The following PIP5K1C variants were observed in gnomAD, a reference collection of about 807,000 sequenced individuals.
PIP5K1C encodes phosphatidylinositol-4-phosphate 5-kinase type 1 gamma.
A neutral mutation model predicts 80.1 loss-of-function variants in PIP5K1C; 45 were observed. That is an observed-to-expected ratio of 0.56 (90% CI 0.44 to 0.72). PIP5K1C has a LOEUF of 0.72. Ranked by LOEUF, PIP5K1C falls within the 30% of genes least tolerant of loss-of-function variation. The pLI is 0.00. For missense variants in PIP5K1C, 753 were observed against 954.6 expected, an observed-to-expected ratio of 0.79 and a Z score of 2.78; for synonymous variants, 498 against 420.1, an observed-to-expected ratio of 1.19 and a Z score of -2.27.
At chr19:3,653,748 A>G (rs2034531026) in intron 6 of PIP5K1C, among the ~76,000 whole-genome samples, 159 bp from the exon 7 acceptor site, 2 of 152,160 alleles carry the variant, frequency 1.3e-5, no homozygotes, top group Admixed American at 1.3e-4. Context: ...GCAGGCACCC[A>G]GCTGGCCTTC....
chr19:3,653,928 G>A (rs776577804), intron 6 of PIP5K1C, among the ~76,000 whole-genome samples: 1 of 152,224 alleles, frequency 6.6e-6, no homozygotes, highest in Non-Finnish European at 1.5e-5. Context: ...TCTGGAGGCC[G>A]GAAACGCAAT....
chr19:3,681,333 C>T (rs900580995), intron 1 of PIP5K1C, among the ~76,000 whole-genome samples: 1 of 151,678 alleles, frequency 6.6e-6, no homozygotes, highest in Non-Finnish European at 1.5e-5. Flanking sequence ...TGGGTTCAAG[C>T]GATTCTCCTG....
chr19:3,689,117 C>G (rs1472300414), intron 1 of PIP5K1C, among the ~76,000 whole-genome samples: 1 of 152,162 alleles, frequency 6.6e-6, no homozygotes, highest in African/African-American at 2.4e-5. Context: ...CTCCTGGGCT[C>G]AGTAATCCAG....
rs183886876 is a variant in PIP5K1C at position 3,655,267 on chromosome 19, A to T, written c.621+1138T>A. ...CCATGTCTCTACTAAAAATATAAAA[A>T]AATAGCCAGGCGTGGTGGCGGGCGC... On this transcript the variant is annotated intron_variant, in intron 6 of 17. Coordinates refer to ENST00000335312, the MANE Select transcript of PIP5K1C (RefSeq NM_012398.3). Among the ~76,000 whole-genome samples the T allele has an allele frequency of 3.2e-4, 49 of 151,622 alleles. 1 individual carries two copies. Among genetic ancestry groups the T allele is most frequent in the African/African-American group, 1.2e-3 (48 of 41,324 alleles).
At chr19:3,650,243 C>A (rs2034387030) in intron 8 of PIP5K1C, among the ~76,000 whole-genome samples, 2 of 152,256 alleles carry the variant, frequency 1.3e-5, no homozygotes, top group Admixed American at 6.5e-5. Flanking sequence ...TCCACACCTT[C>A]GTGGCTGCAC....
intron 8 of PIP5K1C, among the ~76,000 whole-genome samples, chr19:3,651,270 G>C (rs907975919): frequency 2.0e-5 from 3 of 152,168 alleles, no homozygotes; most frequent in Non-Finnish European, 1.5e-5. Flanking sequence ...TGCCCAGGCT[G>C]GTACTGAACT....
intron 1 of PIP5K1C, among the ~76,000 whole-genome samples, chr19:3,683,930 C>G (rs10407023): frequency 1.2e-4 from 16 of 134,186 alleles, no homozygotes; most frequent in South Asian, 5.1e-4. Context: ...GTCCCACACC[C>G]CCCCCACGCT....
chr19:3,698,417 G>A (rs1205597169), intron 1 of PIP5K1C, among the ~76,000 whole-genome samples: 1 of 152,206 alleles, frequency 6.6e-6, no homozygotes, highest in African/African-American at 2.4e-5. Flanking sequence ...CCACTGCCTG[G>A]CGCTCGCCCT....
chr19:3,684,279 C>T (rs530660418), intron 1 of PIP5K1C, among the ~76,000 whole-genome samples: 1 of 152,280 alleles, frequency 6.6e-6, no homozygotes, highest in East Asian at 1.9e-4. Context: ...CGCCCCCTCA[C>T]CCCACACACA....
intron 5 of PIP5K1C, among the ~76,000 whole-genome samples, chr19:3,657,596 G>A (rs1427760479): frequency 1.3e-5 from 2 of 152,102 alleles, no homozygotes; most frequent in Non-Finnish European, 2.9e-5. Flanking sequence ...AACAGGTGGG[G>A]GGTGTCCACG....
intron 3 of PIP5K1C, among the ~76,000 whole-genome samples, chr19:3,663,611 C>G (rs895860423): frequency 6.6e-6 from 1 of 152,154 alleles, no homozygotes; most frequent in Non-Finnish European, 1.5e-5. Flanking sequence ...CCTGGGAGTT[C>G]AAGACCAGCC....
At chr19:3,649,005 C>T (rs1322086710) in intron 8 of PIP5K1C, among the ~76,000 whole-genome samples, 1 of 152,168 alleles carries the variant, frequency 6.6e-6, no homozygotes, top group Non-Finnish European at 1.5e-5. Flanking sequence ...CACTGCATGC[C>T]CAGGTAGGGC....
rs371917706 is a variant in PIP5K1C, at chr19:3,648,589, G to A, written c.1211+36C>T. On this transcript the variant is annotated intron_variant, in intron 9 of 17. Transcript: ENST00000335312. The surrounding 1 kb of genome is among the most constrained non-coding windows in gnomAD (Gnocchi z 4.3). Reference sequence around the variant, plus strand: ...CCACCTGTGGGACTGCAGACCCGGGGCGTCCACCTGTAGGACTGCAGACCC... The same window carrying A: ...CCACCTGTGGGACTGCAGACCCGGGACGTCCACCTGTAGGACTGCAGACCC... 1.3e-5 allele frequency: 20 copies of A among 1,565,332 alleles called. No homozygotes were observed. Among genetic ancestry groups the A allele is most frequent in the East Asian group, 2.3e-5 (1 of 43,924 alleles).
Position 3,639,831 on chromosome 19 carries a change from CCT to C in PIP5K1C, c.1788-817_1788-816del, listed in dbSNP as rs980161647. ...GGATGGAGAGGGTGCGGCTACTGCC[CCT>C]GTGTTGCATTTGCGGAAACGGAGGC... On this transcript the variant is annotated intron_variant, in intron 15 of 17. Transcript: ENST00000335312. Among the ~76,000 whole-genome samples, 9 of 152,286 alleles carry C rather than the reference CCT, an allele frequency of 5.9e-5. No homozygotes were observed. The South Asian group carries it at 6.2e-4, about 11-fold the overall frequency.
chr19:3,658,599 A>G (rs1250677114), intron 5 of PIP5K1C, among the ~76,000 whole-genome samples: 1 of 152,206 alleles, frequency 6.6e-6, no homozygotes, highest in African/African-American at 2.4e-5. Flanking sequence ...GACCCCGCCA[A>G]GCCCTGGGCC....
In PIP5K1C at chr19:3,633,077, G is replaced by T; in HGVS notation, c.*90C>A. ...TGGGGCGGCGAGGCGGGCATCTCCC[G>T]AGCTCTGGGCCTCAGCGGGGTGGGC... On this transcript the variant is annotated 3_prime_UTR_variant, in exon 18 of 18. Coordinates refer to ENST00000335312, the MANE Select transcript of PIP5K1C (RefSeq NM_012398.3). 1 of 706,092 alleles carries T rather than the reference G, an allele frequency of 1.4e-6. No homozygotes were observed. Among genetic ancestry groups the T allele is most frequent in the Non-Finnish European group, 2.6e-6 (1 of 379,478 alleles). 43.7% of individuals were successfully genotyped at this position (706,092 alleles called of 1,614,324 possible).
chr19:3,660,387 A>C (rs2034793941), intron 5 of PIP5K1C, among the ~76,000 whole-genome samples: 1 of 151,828 alleles, frequency 6.6e-6, no homozygotes, highest in African/African-American at 2.4e-5. Flanking sequence ...CTCGAAAAAA[A>C]AAAAAGGGGG....
chr19:3,671,289 T>G (rs1600046091), intron 1 of PIP5K1C, among the ~76,000 whole-genome samples: 1 of 152,358 alleles, frequency 6.6e-6, no homozygotes, highest in East Asian at 1.9e-4. Flanking sequence ...GGTCCACCCC[T>G]GCCCGGACTC....
At chr19:3,675,196 A>G (rs2035321218) in intron 1 of PIP5K1C, among the ~76,000 whole-genome samples, 1 of 152,226 alleles carries the variant, frequency 6.6e-6, no homozygotes, top group Non-Finnish European at 1.5e-5. Context: ...ATACGCCGAG[A>G]AGAATTTACT....
Sources: allele counts gnomAD v4.1 joint callset (sites outside exome capture counted in the v4.1 genomes callset), GRCh38; gene constraint gnomAD v4.1.1; non-coding constraint Gnocchi (gnomAD v3.1); transcripts MANE v1.5; gene names NCBI Gene and HGNC (gene_info 2026-07-23, HGNC 2026-07-21).